The following PCIF1 variants were observed in gnomAD, a reference collection of about 807,000 sequenced individuals.
The protein encoded by PCIF1 is mRNA (2'-O-methyladenosine-N(6)-)-methyltransferase.
Under a neutral mutation model 86.9 loss-of-function variants are expected in PCIF1, and 12 were observed. The observed-to-expected ratio is 0.14, with a 90% CI of 0.09 to 0.22. PCIF1 has a LOEUF of 0.22. Ranked by LOEUF, PCIF1 falls within the 10% of genes least tolerant of loss-of-function variation. PCIF1 has a pLI of 1.00. For synonymous variants in PCIF1, 397 were observed against 372.0 expected (o/e 1.07, Z -0.77); for missense variants, 701 against 951.1 (o/e 0.74, Z 3.46).
intron 1 of PCIF1, among the ~76,000 whole-genome samples, chr20:45,935,530 C>T (rs2083416846): frequency 6.6e-6 from 1 of 152,148 alleles, no homozygotes; most frequent in African/African-American, 2.4e-5. Context: ...CTACATATAA[C>T]GGTCGAGTGA....
chr20:45,945,664 G>T, intron 11 of PCIF1, 47 bp from the exon 12 acceptor site: 1 of 1,591,532 alleles, frequency 6.3e-7, no homozygotes, highest in Non-Finnish European at 8.6e-7. Flanking sequence ...AGTGGCTGCA[G>T]CGTGAGAATG....
Position 45,947,910 on chromosome 20 carries a change from C to T in PCIF1, c.*155C>T, listed in dbSNP as rs574743939. 2.7e-4 allele frequency: 416 copies of T among 1,534,164 alleles called. 1 individual carries two copies. Among genetic ancestry groups the T allele is most frequent in the Non-Finnish European group, 7.4e-5 (85 of 1,146,516 alleles). ...CCTGCCTGTCCCCAAGTCCTCACCT[C>T]AAACTCCCTCCAAGTCCCATGTATA... On this transcript the variant is annotated 3_prime_UTR_variant, in exon 17 of 17. Coordinates refer to ENST00000372409, the MANE Select transcript of PCIF1 (RefSeq NM_022104.4). This position sits in a 1 kb window ranked among gnomAD's most constrained non-coding sequence, Gnocchi z 5.4.
intron 14 of PCIF1, 133 bp downstream of exon 14, chr20:45,946,517 A>G (rs908702028): frequency 2.5e-5 from 28 of 1,104,220 alleles, no homozygotes; most frequent in Non-Finnish European, 3.6e-5. Flanking sequence ...CGGCTATGTG[A>G]CCTTGGACAT....
intron 11 of PCIF1, 78 bp downstream of exon 11, chr20:45,945,108 GCCT>G: frequency 2.7e-6 from 4 of 1,465,240 alleles, no homozygotes; most frequent in Non-Finnish European, 2.7e-6. Flanking sequence ...GTGAGACTGA[GCCT>G]CAAGGCCAGG....
At chr20:45,935,110 C>T (rs994805521) in intron 1 of PCIF1, among the ~76,000 whole-genome samples, 16 of 149,592 alleles carry the variant, frequency 1.1e-4, no homozygotes, top group Admixed American at 8.7e-4. Context: ...CGCGGCGGGG[C>T]GGGGGGCGGA....
Position 45,944,999 on chromosome 20 carries a change from C to T in PCIF1, c.1137C>T (p.His379=), listed in dbSNP as rs773582711. The T allele has an allele frequency of 6.2e-7, 1 of 1,613,138 alleles. No homozygotes were observed. The highest frequency in any genetic ancestry group is 2.2e-5 in the East Asian group (1 of 44,888). The part of the protein sequence containing the change: ...LEYVKRIREK[H]LAILKENNIS... ...ACGTCAAACGGATCCGAGAGAAGCA[C>T]CTTGCCATCCTCAAGGAAAACAACA... Residue 379 remains histidine, a synonymous_variant, in exon 11 of 17, where the codon CAC becomes CAT. Transcript: ENST00000372409.
At chr20:45,940,651 G>A (rs771589148) in intron 5 of PCIF1, 39 bp downstream of exon 5, 62 of 1,579,152 alleles carry the variant, frequency 3.9e-5, no homozygotes, top group African/African-American at 6.9e-5. Flanking sequence ...CCGAGCGGCC[G>A]GCTCAGACGG....
chr20:45,944,114 T>C (rs897337262), intron 10 of PCIF1, among the ~76,000 whole-genome samples: 1 of 152,150 alleles, frequency 6.6e-6, no homozygotes, highest in African/African-American at 2.4e-5. Flanking sequence ...TGTGTGTTCA[T>C]ATCATGGTTA....
rs1351673451 is a variant in PCIF1, at chr20:45,943,644, C to G, written c.906-22C>G. ...GGTGGAGCCAAGCCATTCCTTTCTT[C>G]TGCCCTCCCCTTGACTGGCAGGAGT... On this transcript the variant is annotated intron_variant, in intron 9 of 16. Coordinates refer to ENST00000372409, the MANE Select transcript of PCIF1 (RefSeq NM_022104.4). This position sits in a 1 kb window ranked among gnomAD's most constrained non-coding sequence, Gnocchi z 5.5. 6.5e-7 allele frequency: 1 copy of G among 1,550,310 alleles called. No individual in the cohort carries two copies. The highest frequency in any genetic ancestry group is 1.2e-5 in the South Asian group (1 of 84,110).
At chr20:45,938,459 C>G (rs1439862255) in intron 2 of PCIF1, among the ~76,000 whole-genome samples, 1 of 152,188 alleles carries the variant, frequency 6.6e-6, no homozygotes, top group Non-Finnish European at 1.5e-5. Flanking sequence ...AGACCCTGTT[C>G]TGTCTTTTTT....
At position 45,945,796 on chromosome 20, in the gene PCIF1, C is replaced by G; in HGVS notation, c.1254C>G (p.Ser418Arg). The G allele has an allele frequency of 1.2e-6, 2 of 1,613,836 alleles. No homozygotes were observed. Among genetic ancestry groups the G allele is most frequent in the Non-Finnish European group, 1.7e-6 (2 of 1,180,024 alleles). The stretch of plus-strand genomic sequence containing the variant: ...CTGTGTCTGCACCGCCCATGCCCAG[C>G]GTGGAGATGCACATGGAGAACAACG... ...RLAVSAPPMP[S>R]VEMHMENNVV... Residue 418 changes from serine to arginine, a missense_variant, in exon 12 of 17, where the codon AGC becomes AGG. Ser to Arg is a moderately radical substitution (Grantham distance 110, BLOSUM62 -1). This residue lies in a region of PCIF1 where 121 missense variants were observed against 131.7 expected (regional missense o/e 0.92). Transcript: ENST00000372409.
At position 45,940,573 on chromosome 20, in the gene PCIF1, G is replaced by A. The variant is rs373418549; in HGVS notation, c.348G>A (p.Ser116=). The change falls in exon 5 of 17, where the codon TCG becomes TCA. Residue 116 remains serine (S), a synonymous_variant. Transcript: ENST00000372409. The stretch of plus-strand genomic sequence containing the variant: ...ACAAGCCCAGAAAGCGGCAGCTCTC[G>A]GAAGAGCAGCCAAGCGGCAATGGTG... ...AENKPRKRQL[S]EEQPSGNGVK... is the part of the protein sequence containing the mutation. The A allele has an allele frequency of 5.3e-5, 85 of 1,610,030 alleles. No individual in the cohort carries two copies. Among genetic ancestry groups the A allele is most frequent in the Non-Finnish European group, 6.6e-5 (78 of 1,178,194 alleles).
chr20:45,944,850 C>A lies in PCIF1; in HGVS notation c.1006-18C>A. ...CTCTGGCCTCCACTAGCGCCCTGATCCAGAATGTGTCCTCTAGGATCGCCT... is the reference window on the plus strand; with the variant it reads ...CTCTGGCCTCCACTAGCGCCCTGATACAGAATGTGTCCTCTAGGATCGCCT... On this transcript the variant is annotated intron_variant, in intron 10 of 16. Coordinates refer to ENST00000372409, the MANE Select transcript of PCIF1 (RefSeq NM_022104.4). The A allele has an allele frequency of 6.2e-7, 1 of 1,605,966 alleles. No homozygotes were observed. Among genetic ancestry groups the A allele is most frequent in the Non-Finnish European group, 8.5e-7 (1 of 1,174,464 alleles).
intron 10 of PCIF1, 127 bp from the exon 11 acceptor site, chr20:45,944,741 G>C: frequency 3.0e-6 from 3 of 987,402 alleles, no homozygotes; most frequent in Non-Finnish European, 4.4e-6. Context: ...AAGTGACACA[G>C]CTAGTCAGCA....
At chr20:45,941,849 A>T (rs914758408) in intron 7 of PCIF1, among the ~76,000 whole-genome samples, 1 of 151,510 alleles carries the variant, frequency 6.6e-6, no homozygotes, top group African/African-American at 2.4e-5. Context: ...GGCCTCCCAC[A>T]GTGCTGGGAT....
chr20:45,944,422 T>C (rs1431398332), intron 10 of PCIF1, among the ~76,000 whole-genome samples: 1 of 152,222 alleles, frequency 6.6e-6, no homozygotes, highest in East Asian at 1.9e-4. Flanking sequence ...TGCAAGTAGC[T>C]AAAAGCTCAA....
At chr20:45,942,618 T>C (rs1466098874) in intron 7 of PCIF1, among the ~76,000 whole-genome samples, 3 of 152,024 alleles carry the variant, frequency 2.0e-5, no homozygotes, top group Non-Finnish European at 4.4e-5. Context: ...CCCAGCCTTT[T>C]TATTCTTTTC....
chr20:45,941,541 C>T (rs2083470093), intron 7 of PCIF1, among the ~76,000 whole-genome samples: 1 of 152,214 alleles, frequency 6.6e-6, no homozygotes, highest in Non-Finnish European at 1.5e-5. Flanking sequence ...GCATCATCCT[C>T]CTCCTGGGTC....
chr20:45,934,722 G>C lies in PCIF1; in HGVS notation c.-270G>C. 2.5e-6 allele frequency: 1 copy of C among 398,956 alleles called. No homozygotes were observed. The highest frequency in any genetic ancestry group is 4.4e-6 in the Non-Finnish European group (1 of 226,068). The allele number at this position is 398,956 out of a possible 1,614,324, so 24.7% of individuals were successfully genotyped here. A position where few individuals can be genotyped will look rare whatever the true frequency, so the allele number is the denominator to read the frequency against. On this transcript the variant is annotated 5_prime_UTR_variant, in exon 1 of 17. Coordinates refer to ENST00000372409, the MANE Select transcript of PCIF1 (RefSeq NM_022104.4). ...CGGGACACAAGATGGCGGCAGCGGC[G>C]CTGGGGAGGGCGAGGCGGAGGCGGC...
Sources: gnomAD v4.1 joint callset for allele counts (sites outside exome capture counted in the v4.1 genomes callset) on GRCh38, gnomAD v4.1.1 for gene constraint, gnomAD v4.1.1 regional missense constraint, Gnocchi (gnomAD v3.1) non-coding constraint, MANE v1.5 for transcripts, NCBI Gene and HGNC (gene_info 2026-07-23, HGNC 2026-07-21) for gene names.